The following RFX3 variants were observed in gnomAD, a reference collection of about 807,000 sequenced individuals.
RFX3 encodes the protein transcription factor RFX3.
Under a neutral mutation model 98.6 loss-of-function variants are expected in RFX3, and 14 were observed. That is an observed-to-expected ratio of 0.14 (90% CI 0.09 to 0.22). RFX3 has a LOEUF of 0.22. Ranked by LOEUF, RFX3 falls within the 10% of genes least tolerant of loss-of-function variation. The probability of loss-of-function intolerance (pLI) is 1.00; values close to 1 mark genes in which losing one functional copy is unlikely to be tolerated. For missense variants in RFX3, 639 were observed against 926.9 expected (o/e 0.69, Z 4.03); for synonymous variants, 383 against 328.4 (o/e 1.17, Z -1.80).
rs1190665750 is a variant in RFX3 at position 3,288,138 on chromosome 9, T to G, written c.844A>C (p.Lys282Gln). 6.2e-7 allele frequency: 1 copy of G among 1,612,750 alleles called. No individual in the cohort carries two copies. Among genetic ancestry groups the G allele is most frequent in the African/African-American group, 1.3e-5 (1 of 74,998 alleles). Residue 282 changes from lysine to glutamine, a missense_variant, in exon 7 of 17, where the codon AAA (lysine) becomes CAA (glutamine). Physicochemically the swap from Lys to Gln is moderately conservative, Grantham distance 53. Transcript: ENST00000617270. ...GATAACTTCAGAGTCTACCTTTGTT[T>G]CTGTTGCATGGGTTGTTGTCTCATA... is the stretch of plus-strand genomic sequence containing the variant. The part of the protein sequence containing the change: ...MAMRQQPMQQ[K>Q]QRYKPMQKVD...
intron 9 of RFX3, among the ~76,000 whole-genome samples, chr9:3,273,925 C>A (rs565853429): frequency 6.7e-6 from 1 of 150,236 alleles, no homozygotes. Context: ...CACTTGAACA[C>A]ATGGGAATGA....
chr9:3,414,693 TATATGA>T (rs373894057), intron 1 of RFX3, among the ~76,000 whole-genome samples: 12 of 108,828 alleles, frequency 1.1e-4, no homozygotes, highest in African/African-American at 4.8e-4. Context: ...TATATATGTA[TATATGA>T]GTATATATGA....
chr9:3,333,121 C>A (rs13296552), intron 3 of RFX3, among the ~76,000 whole-genome samples: 23,452 of 152,116 alleles, frequency 0.15, 1,848 homozygotes, highest in Middle Eastern at 0.22. Context: ...ACTAATCAGT[C>A]AGCAAATAAA....
At chr9:3,254,973 T>C (rs1410819930) in intron 14 of RFX3, among the ~76,000 whole-genome samples, 2 of 152,148 alleles carry the variant, frequency 1.3e-5, no homozygotes, top group African/African-American at 4.8e-5. Context: ...GTTAAATATA[T>C]GAGAGGCAGG....
intron 13 of RFX3, 72 bp from the exon 14 acceptor site, chr9:3,257,271 C>A: frequency 8.0e-7 from 1 of 1,249,822 alleles, no homozygotes; most frequent in Non-Finnish European, 1.2e-6. Context: ...AGCACACACA[C>A]TAGATGCAAG....
At chr9:3,415,108 A>AC (rs1842867321) in intron 1 of RFX3, among the ~76,000 whole-genome samples, 1 of 92,496 alleles carries the variant, frequency 1.1e-5, no homozygotes, top group African/African-American at 8.0e-5. Flanking sequence ...ATATATAAGT[A>AC]TATATATATA....
In RFX3 at chr9:3,523,022, A is replaced by G. The variant is rs368672406; in HGVS notation, c.-9+2725T>C. Reference sequence around the variant, plus strand: ...AACCATCACTACAACCTTTAATGAAAACATTGTGAAACGATGCAAAACTTC... The same window carrying G: ...AACCATCACTACAACCTTTAATGAAGACATTGTGAAACGATGCAAAACTTC... On this transcript the variant is annotated intron_variant, in intron 1 of 16. Transcript: ENST00000617270. Among the ~76,000 whole-genome samples, 71 of 152,328 alleles carry G rather than the reference A, an allele frequency of 4.7e-4. 1 individual carries two copies. In the South Asian group the frequency reaches 0.014, roughly 30 times the overall value.
intron 1 of RFX3, among the ~76,000 whole-genome samples, chr9:3,475,522 G>A (rs2133280013): frequency 6.6e-6 from 1 of 152,340 alleles, no homozygotes; most frequent in African/African-American, 2.4e-5. Flanking sequence ...GACAGAGAGA[G>A]AGGGAGAGAG....
At chr9:3,495,117 T>C (rs1851010206) in intron 1 of RFX3, among the ~76,000 whole-genome samples, 1 of 150,846 alleles carries the variant, frequency 6.6e-6, no homozygotes. Context: ...AATGTATATG[T>C]ATATATATAT....
intron 1 of RFX3, among the ~76,000 whole-genome samples, chr9:3,424,151 A>G (rs971837031): frequency 2.6e-5 from 4 of 151,020 alleles, no homozygotes; most frequent in Non-Finnish European, 5.9e-5. Context: ...CTTCTCAAAA[A>G]AAAAAGAAGA....
chr9:3,484,353 T>C (rs1250852705), intron 1 of RFX3, among the ~76,000 whole-genome samples: 2 of 152,164 alleles, frequency 1.3e-5, no homozygotes, highest in African/African-American at 4.8e-5. Flanking sequence ...GAATGTTAGC[T>C]AGCTAGTGTA....
At chr9:3,378,979 G>T (rs1040763967) in intron 2 of RFX3, among the ~76,000 whole-genome samples, 1 of 152,128 alleles carries the variant, frequency 6.6e-6, no homozygotes. Context: ...TGGAGTGTGT[G>T]CCTGTACATA....
intron 1 of RFX3, among the ~76,000 whole-genome samples, chr9:3,429,145 C>T (rs1844403582): frequency 6.6e-6 from 1 of 151,102 alleles, no homozygotes; most frequent in Admixed American, 6.6e-5. Context: ...GCCTCAGCCT[C>T]CCAAGTAGCT....
chr9:3,371,462 G>T (rs1255266331), intron 2 of RFX3, among the ~76,000 whole-genome samples: 1 of 152,096 alleles, frequency 6.6e-6, no homozygotes, highest in Non-Finnish European at 1.5e-5. Context: ...GATATGCTAT[G>T]ACTTTGGGGA....
intron 1 of RFX3, among the ~76,000 whole-genome samples, chr9:3,450,017 C>T (rs1404111733): frequency 3.3e-5 from 5 of 152,104 alleles, no homozygotes; most frequent in Non-Finnish European, 7.4e-5. Context: ...TATGCATTCA[C>T]CTATCAGATC....
chr9:3,412,463 A>G (rs748200740), intron 1 of RFX3, among the ~76,000 whole-genome samples: 1 of 152,236 alleles, frequency 6.6e-6, no homozygotes, highest in Non-Finnish European at 1.5e-5. Context: ...GAAGTAAAAG[A>G]AAGGCTTCAA....
chr9:3,453,225 G>C (rs1438693268), intron 1 of RFX3, among the ~76,000 whole-genome samples: 1 of 151,980 alleles, frequency 6.6e-6, no homozygotes, highest in Admixed American at 6.6e-5. Context: ...ACTCAGCTAT[G>C]GATCCAGAAG....
At chr9:3,412,348 C>T (rs1842531351) in intron 1 of RFX3, among the ~76,000 whole-genome samples, 1 of 152,140 alleles carries the variant, frequency 6.6e-6, no homozygotes, top group Admixed American at 6.5e-5. Flanking sequence ...AGCTCTACCA[C>T]ACCATTTTAT....
intron 1 of RFX3, among the ~76,000 whole-genome samples, chr9:3,478,352 G>A (rs1288625993): frequency 6.7e-6 from 1 of 149,480 alleles, no homozygotes; most frequent in Non-Finnish European, 1.5e-5. Context: ...TTTCATGAAC[G>A]AATTTTACAG....
Sources: gnomAD v4.1 joint callset for allele counts (sites outside exome capture counted in the v4.1 genomes callset) on GRCh38, gnomAD v4.1.1 for gene constraint, MANE v1.5 for transcripts, NCBI Gene and HGNC (gene_info 2026-07-23, HGNC 2026-07-21) for gene names.